The following ARHGAP6 variants were observed in gnomAD, a reference collection of about 807,000 sequenced individuals.
The protein encoded by ARHGAP6 is rho GTPase-activating protein 6.
ARHGAP6 carries 16 observed loss-of-function variants against 55.7 expected under a neutral mutation model. The observed-to-expected ratio is 0.29, with a 90% CI of 0.19 to 0.44. The LOEUF (loss-of-function observed/expected upper bound fraction) is 0.44. Among genes scored for constraint, ARHGAP6 ranks in the 20% least tolerant of loss-of-function variants. The pLI, the probability that ARHGAP6 is intolerant of heterozygous loss-of-function variation, is 1.00. For missense variants in ARHGAP6, 698 were observed against 808.9 expected, an observed-to-expected ratio of 0.86 and a Z score of 1.66; for synonymous variants, 382 against 360.9, an observed-to-expected ratio of 1.06 and a Z score of -0.66.
chrX:11,563,320 AT>A (rs2051408282), intron 1 of ARHGAP6, among the ~76,000 whole-genome samples: 1 of 103,995 alleles, frequency 9.6e-6, no homozygotes, highest in Non-Finnish European at 2.0e-5. Context: ...TATTAAAAAA[AT>A]CATAAGATAA....
chrX:11,519,450 T>C (rs1337077227), intron 1 of ARHGAP6, among the ~76,000 whole-genome samples: 2 of 106,401 alleles, frequency 1.9e-5, no homozygotes, highest in African/African-American at 7.3e-5. Flanking sequence ...GAAGTGTCTG[T>C]TCATGTCCTT....
chrX:11,374,150 C>A (rs1186594292), intron 1 of ARHGAP6, among the ~76,000 whole-genome samples: 2 of 111,617 alleles, frequency 1.8e-5, no homozygotes, highest in Admixed American at 1.9e-4. Flanking sequence ...GCACTATGGC[C>A]TAGCTACCCT....
chrX:11,280,650 T>C (rs2047842711), intron 1 of ARHGAP6, among the ~76,000 whole-genome samples: 1 of 104,852 alleles, frequency 9.5e-6, no homozygotes, highest in South Asian at 4.2e-4. Context: ...GAGGCTGAGA[T>C]GGGAGGACTG....
At chrX:11,317,716 G>T (rs1006374625) in intron 1 of ARHGAP6, among the ~76,000 whole-genome samples, 1 of 111,524 alleles carries the variant, frequency 9.0e-6, no homozygotes, top group African/African-American at 3.3e-5. Flanking sequence ...AAATGACACC[G>T]GCCCCACCTT....
chrX:11,160,879 A>G (rs887315308), intron 9 of ARHGAP6, among the ~76,000 whole-genome samples: 1 of 112,342 alleles, frequency 8.9e-6, no homozygotes, highest in Non-Finnish European at 1.9e-5. Flanking sequence ...TTACAAATGC[A>G]TAAAAAAGAC....
intron 1 of ARHGAP6, among the ~76,000 whole-genome samples, chrX:11,528,140 A>G (rs774093624): frequency 8.9e-6 from 1 of 112,171 alleles, no homozygotes; most frequent in Non-Finnish European, 1.9e-5. Flanking sequence ...AAAGATTCAC[A>G]TTCTTTTATG....
At chrX:11,589,765 A>T (rs370030792) in intron 1 of ARHGAP6, among the ~76,000 whole-genome samples, 1 of 111,590 alleles carries the variant, frequency 9.0e-6, no homozygotes, top group African/African-American at 3.3e-5. Context: ...ATGTCTCATT[A>T]CGAGCCTTGC....
intron 1 of ARHGAP6, among the ~76,000 whole-genome samples, chrX:11,522,823 C>G (rs768398823): frequency 1.8e-5 from 2 of 111,797 alleles, no homozygotes; most frequent in East Asian, 2.8e-4. Context: ...GGAGCTGGTA[C>G]CATTCCTTCT....
At chrX:11,565,467 G>A (rs1050279563) in intron 1 of ARHGAP6, among the ~76,000 whole-genome samples, 2 of 112,019 alleles carry the variant, frequency 1.8e-5, no homozygotes, top group African/African-American at 6.5e-5. Flanking sequence ...GACACCTTGC[G>A]ATACAGTTCA....
chrX:11,410,027 T>G (rs1428986318), intron 1 of ARHGAP6, among the ~76,000 whole-genome samples: 1 of 112,357 alleles, frequency 8.9e-6, no homozygotes, highest in African/African-American at 3.2e-5. Context: ...ATTGTGGGAA[T>G]GTAAAATGAT....
At position 11,484,108 on chromosome X, in the gene ARHGAP6, T is replaced by C. The variant is rs775650402; in HGVS notation, c.588+180133A>G. Among the ~76,000 whole-genome samples the C allele has an allele frequency of 1.3e-4, 15 of 111,932 alleles. 1 individual carries two copies. In the East Asian group the frequency reaches 3.6e-3, roughly 27 times the overall value. ...CCTAGAGAATAAGGTATTCCAGGCT[T>C]ATCTGCAAAGAAGCTTAATGTTTTG... On this transcript the variant is annotated intron_variant, in intron 1 of 12. Coordinates refer to ENST00000337414, the MANE Select transcript of ARHGAP6 (RefSeq NM_013427.3).
chrX:11,534,813 T>C (rs1218749917), intron 1 of ARHGAP6, among the ~76,000 whole-genome samples: 1 of 111,854 alleles, frequency 8.9e-6, no homozygotes, highest in East Asian at 2.8e-4. Context: ...ATAAAAATTA[T>C]CAATGATATA....
chrX:11,270,868 T>C (rs2047685036), intron 1 of ARHGAP6, among the ~76,000 whole-genome samples: 1 of 111,959 alleles, frequency 8.9e-6, no homozygotes, highest in Admixed American at 9.4e-5. Context: ...AGAAATACCT[T>C]TGAGTACAGA....
chrX:11,153,062 A>C (rs1169866649), intron 10 of ARHGAP6, among the ~76,000 whole-genome samples: 3 of 111,638 alleles, frequency 2.7e-5, no homozygotes, highest in Non-Finnish European at 5.6e-5. Context: ...AAAAGCAAGA[A>C]TATACTTTGA....
chrX:11,374,915 C>G (rs1671786207), intron 1 of ARHGAP6, among the ~76,000 whole-genome samples: 1 of 111,679 alleles, frequency 9.0e-6, no homozygotes, highest in Non-Finnish European at 1.9e-5. Context: ...ATCATTCTAT[C>G]CCCTTATCTT....
At chrX:11,592,383 G>C (rs1307747096) in intron 1 of ARHGAP6, among the ~76,000 whole-genome samples, 1 of 111,878 alleles carries the variant, frequency 8.9e-6, no homozygotes, top group Non-Finnish European at 1.9e-5. Flanking sequence ...CTTCAAGAAA[G>C]AGATACAAGT....
chrX:11,457,227 A>G (rs758944566), intron 1 of ARHGAP6, among the ~76,000 whole-genome samples: 7 of 111,841 alleles, frequency 6.3e-5, no homozygotes, highest in African/African-American at 2.3e-4. Flanking sequence ...AGGACAATAT[A>G]TTATTCACAA....
chrX:11,149,066 T>C (rs1469753367), intron 10 of ARHGAP6, among the ~76,000 whole-genome samples: 1 of 111,987 alleles, frequency 8.9e-6, no homozygotes, highest in Non-Finnish European at 1.9e-5. Context: ...CTCTAAACTC[T>C]CCACTGGATG....
At chrX:11,650,732 A>G (rs766662429) in intron 1 of ARHGAP6, among the ~76,000 whole-genome samples, 10 of 112,811 alleles carry the variant, frequency 8.9e-5, no homozygotes, top group Admixed American at 2.8e-4. Context: ...AAAAAGTAAT[A>G]TATTTACAAT....
Sources: allele counts gnomAD v4.1 joint callset (sites outside exome capture counted in the v4.1 genomes callset), GRCh38; gene constraint gnomAD v4.1.1; transcripts MANE v1.5; gene names NCBI Gene and HGNC (gene_info 2026-07-23, HGNC 2026-07-21).